Variants in TCTN2 observed in about 807,000 individuals in gnomAD.
The protein encoded by TCTN2 is tectonic-2.
TCTN2 carries 66 observed loss-of-function variants against 83.4 expected under a neutral mutation model. That is an observed-to-expected ratio of 0.79 (90% CI 0.65 to 0.97). TCTN2 has a LOEUF of 0.97. TCTN2 is among the 50% of genes least tolerant of loss of function. The pLI, the probability that TCTN2 is intolerant of heterozygous loss-of-function variation, is 0.00. For missense variants in TCTN2, 794 were observed against 858.1 expected (o/e 0.93, Z 0.93); for synonymous variants, 301 against 326.7 (o/e 0.92, Z 0.85).
chr12:123,673,632 A>G lies in TCTN2; in HGVS notation c.285A>G (p.Thr95=). ...CCTTTCAGAAGGTGTTGGAAGTGAC[A>G]GTGAGGTGGAAGAGAGGTCTGGACT... ...VIPGAKVLEV[T]VRWKRGLDWC... The change falls in exon 4 of 18, where the codon ACA becomes ACG. Residue 95 remains threonine (T), a synonymous_variant. Coordinates refer to ENST00000303372, the MANE Select transcript of TCTN2 (RefSeq NM_024809.5). The G allele has an allele frequency of 6.2e-7, 1 of 1,614,238 alleles. No homozygotes were observed. Among genetic ancestry groups the G allele is most frequent in the Admixed American group, 1.7e-5 (1 of 60,028 alleles).
In TCTN2 at chr12:123,688,173, C is replaced by T. The variant is rs750458642; in HGVS notation, c.887C>T (p.Pro296Leu). Residue 296 changes from proline (P) to leucine (L), a missense_variant, in exon 7 of 18, where the codon CCG becomes CTG. Physicochemically the swap from Pro to Leu is moderately conservative, Grantham distance 98. Transcript: ENST00000303372. ...MTVKKAYFTIPQVSLAGQCMQ... is the reference protein window; with the variant it reads ...MTVKKAYFTILQVSLAGQCMQ... ...GTAAAGAAGGCATATTTTACTATTC[C>T]GCAGGTAATCGTTGCAATATTAGTA... 20 of 1,612,408 alleles carry T rather than the reference C, an allele frequency of 1.2e-5. No individual in the cohort carries two copies. The highest frequency in any genetic ancestry group is 2.2e-5 in the South Asian group (2 of 91,040).
At chr12:123,700,295 A>C (rs987955021) in intron 14 of TCTN2, 2 of 272,520 alleles carry the variant, frequency 7.3e-6, no homozygotes, top group Non-Finnish European at 1.4e-5. Flanking sequence ...TTGGGATTAC[A>C]GGCATGAGCC....
chr12:123,675,335 T>C lies in TCTN2; in HGVS notation c.463+1525T>C, dbSNP rs139520635. 1.3e-4 allele frequency among the ~76,000 whole-genome samples: 20 copies of C among 152,310 alleles called. 1 individual carries two copies. The East Asian group carries it at 3.9e-3, about 29-fold the overall frequency. ...CTAGATGTGCCGATGTAGAGGGCTC[T>C]GCAGTGATGAGTGCTACTGCCATGT... On this transcript the variant is annotated intron_variant, in intron 4 of 17. Transcript: ENST00000303372.
At chr12:123,701,988 T>G (rs1956178548) in intron 14 of TCTN2, among the ~76,000 whole-genome samples, 1 of 152,154 alleles carries the variant, frequency 6.6e-6, no homozygotes, top group Non-Finnish European at 1.5e-5. Flanking sequence ...GTCATGGAGA[T>G]CCAGCTCATC....
intron 4 of TCTN2, among the ~76,000 whole-genome samples, chr12:123,674,259 T>C (rs1302994167): frequency 6.6e-6 from 1 of 152,118 alleles, no homozygotes; most frequent in East Asian, 1.9e-4. Context: ...GAAATTTGTT[T>C]ATGTACATTG....
Position 123,673,825 on chromosome 12 carries a change from TG to T in TCTN2, c.463+16del, listed in dbSNP as rs1279668597. The T allele has an allele frequency of 1.9e-6, 3 of 1,612,984 alleles. No individual in the cohort carries two copies. In the South Asian group the frequency reaches 3.3e-5, roughly 18 times the overall value. On this transcript the variant is annotated intron_variant, in intron 4 of 17. Transcript: ENST00000303372. Reference sequence around the variant, plus strand: ...TAATGCCTCAGGCAAGTGAAGTCTTTGACTGTCAAAACTTTCATGTTGTTCC... The same window carrying T: ...TAATGCCTCAGGCAAGTGAAGTCTTTACTGTCAAAACTTTCATGTTGTTCC...
At chr12:123,687,222 C>T (rs1432930453) in intron 6 of TCTN2, among the ~76,000 whole-genome samples, 187 bp downstream of exon 6, 1 of 152,176 alleles carries the variant, frequency 6.6e-6, no homozygotes, top group African/African-American at 2.4e-5. Context: ...AATTGGGCCT[C>T]ATTGAAAAGA....
In TCTN2 at chr12:123,699,703, G is replaced by A. The variant is rs1478736646; in HGVS notation, c.1506-1G>A. ...CTGAGAAATGTCTTACTCTCTTGCA[G>A]GGAGAATGCTGTTGAAAGACTTGAT... On this transcript the variant is annotated splice_acceptor_variant, in intron 13 of 17. Coordinates refer to ENST00000303372, the MANE Select transcript of TCTN2 (RefSeq NM_024809.5). LOFTEE classifies it high-confidence loss of function. The A allele has an allele frequency of 1.2e-6, 2 of 1,613,076 alleles. No individual in the cohort carries two copies. Among genetic ancestry groups the A allele is most frequent in the Non-Finnish European group, 1.7e-6 (2 of 1,179,070 alleles).
rs148318128 is a variant in TCTN2, at chr12:123,678,642, C to T, written c.464-547C>T. On this transcript the variant is annotated intron_variant, in intron 4 of 17. Transcript: ENST00000303372. ...TTGTGACTCTTAGTCAATTGATTATCTTCTAGATCAACTATGACTTCTTTG... is the reference window on the plus strand; with the variant it reads ...TTGTGACTCTTAGTCAATTGATTATTTTCTAGATCAACTATGACTTCTTTG... Among the ~76,000 whole-genome samples, 195 of 152,132 alleles carry T rather than the reference C, an allele frequency of 1.3e-3. 6 individuals are homozygous for T. In the East Asian group the frequency reaches 0.029, roughly 23 times the overall value.
chr12:123,706,919 A>AT, intron 16 of TCTN2, 66 bp from the exon 17 acceptor site: 1 of 1,613,850 alleles, frequency 6.2e-7, no homozygotes. Context: ...TTGGAAGTTT[A>AT]TTCCTTTAAT....
At chr12:123,690,194 C>A (rs1466784314) in intron 7 of TCTN2, among the ~76,000 whole-genome samples, 1 of 152,100 alleles carries the variant, frequency 6.6e-6, no homozygotes. Flanking sequence ...CATATGAATC[C>A]ATTTTTATGG....
rs781652654 is a variant in TCTN2 at position 123,673,706 on chromosome 12, T to C, written c.359T>C (p.Leu120Pro). The C allele has an allele frequency of 1.4e-5, 22 of 1,614,104 alleles. No individual in the cohort carries two copies. Among genetic ancestry groups the C allele is most frequent in the Non-Finnish European group, 1.8e-5 (21 of 1,180,046 alleles). Residue 120 changes from leucine (L) to proline (P), a missense_variant, in exon 4 of 18, where the codon CTC (leucine) becomes CCC (proline). By Grantham distance (98) the Leu-to-Pro change is moderately conservative. Coordinates refer to ENST00000303372, the MANE Select transcript of TCTN2 (RefSeq NM_024809.5). ...TCCTTCTCAGAGTCCCCCTGTATCC[T>C]CCAGACCCTTCTGGTTTCAGCATCT... ...TDSFSESPCI[L>P]QTLLVSASHN... is the part of the protein sequence containing the mutation.
intron 7 of TCTN2, among the ~76,000 whole-genome samples, chr12:123,689,216 C>A (rs1956013276): frequency 6.6e-6 from 1 of 151,970 alleles, no homozygotes; most frequent in African/African-American, 2.4e-5. Context: ...CACATGCCAC[C>A]ATTCCTGGCT....
At chr12:123,695,520 CAA>C in intron 11 of TCTN2, 1 of 396,952 alleles carries the variant, frequency 2.5e-6, no homozygotes, top group East Asian at 5.0e-5. Context: ...CTCCTGGGTT[CAA>C]GAGATTTTCT....
chr12:123,704,841 C>T (rs143541653), intron 15 of TCTN2, among the ~76,000 whole-genome samples, 153 bp downstream of exon 15: 3 of 152,026 alleles, frequency 2.0e-5, no homozygotes, highest in Non-Finnish European at 2.9e-5. Flanking sequence ...GGAATATGTA[C>T]GAACTATGTG....
chr12:123,692,248 A>AT (rs1199264576), intron 8 of TCTN2, among the ~76,000 whole-genome samples: 1 of 151,916 alleles, frequency 6.6e-6, no homozygotes, highest in East Asian at 1.9e-4. Flanking sequence ...AGGTTTCACC[A>AT]TGTTGGCCAG....
intron 15 of TCTN2, 24 bp from the exon 16 acceptor site, chr12:123,706,702 G>T: frequency 6.2e-7 from 1 of 1,613,802 alleles, no homozygotes; most frequent in South Asian, 1.1e-5. Flanking sequence ...TGGCTATGCT[G>T]ACCATGTGAT....
chr12:123,691,518 G>A (rs1424266649), intron 8 of TCTN2, among the ~76,000 whole-genome samples: 1 of 152,170 alleles, frequency 6.6e-6, no homozygotes, highest in African/African-American at 2.4e-5. Context: ...CCATTGCATG[G>A]ACAGAGCACA....
At chr12:123,685,431 T>C (rs1377024039) in intron 5 of TCTN2, among the ~76,000 whole-genome samples, 1 of 152,148 alleles carries the variant, frequency 6.6e-6, no homozygotes, top group African/African-American at 2.4e-5. Flanking sequence ...AGTAACTTCT[T>C]TTTTCGAGAC....
Sources: allele counts gnomAD v4.1 joint callset (sites outside exome capture counted in the v4.1 genomes callset), GRCh38; gene constraint gnomAD v4.1.1; transcripts MANE v1.5; gene names NCBI Gene and HGNC (gene_info 2026-07-23, HGNC 2026-07-21).